Variants in OSBPL10 observed in about 807,000 individuals in gnomAD.
OSBPL10 encodes the protein oxysterol binding protein like 10.
In OSBPL10, 49 loss-of-function variants were observed where a neutral mutation model predicts 81.7. That is an observed-to-expected ratio of 0.60 (90% CI 0.48 to 0.76). OSBPL10 has a LOEUF of 0.76. Among genes scored for constraint, OSBPL10 ranks in the 30% least tolerant of loss-of-function variants. OSBPL10 has a pLI of 0.00. For synonymous variants in OSBPL10, 419 were observed against 383.6 expected, an observed-to-expected ratio of 1.09 and a Z score of -1.08; for missense variants, 923 against 987.8, an observed-to-expected ratio of 0.93 and a Z score of 0.88.
At position 31,798,427 on chromosome 3, in the gene OSBPL10, T is replaced by C. The variant is rs1419795343; in HGVS notation, c.729+31613A>G. Among the ~76,000 whole-genome samples the C allele has an allele frequency of 1.3e-4, 10 of 77,608 alleles. No homozygotes were observed. The Admixed American group carries it at 1.4e-3, about 11-fold the overall frequency. The allele number at this position is 77,608 out of a possible 152,430, so 50.9% of individuals were successfully genotyped here. A position where few individuals can be genotyped will look rare whatever the true frequency, so the allele number is the denominator to read the frequency against. On this transcript the variant is annotated intron_variant, in intron 4 of 11. Coordinates refer to ENST00000396556, the MANE Select transcript of OSBPL10 (RefSeq NM_017784.5). ...CCTGGGTGACAAGAGCAAAACTCCA[T>C]CTCAAAAAAAAAAGAAAACCAAAAT...
chr3:31,671,805 A>G (rs1011398834), intron 8 of OSBPL10, among the ~76,000 whole-genome samples: 1 of 152,086 alleles, frequency 6.6e-6, no homozygotes. Context: ...CCTCAAGACT[A>G]CCCCCAAAAT....
chr3:31,820,179 G>A (rs577334153), intron 4 of OSBPL10, among the ~76,000 whole-genome samples: 1 of 152,206 alleles, frequency 6.6e-6, no homozygotes, highest in African/African-American at 2.4e-5. Flanking sequence ...GGAAAGTATT[G>A]AGCCCAGGTA....
intron 7 of OSBPL10, among the ~76,000 whole-genome samples, chr3:31,684,492 C>A (rs944896636): frequency 6.6e-6 from 1 of 152,184 alleles, no homozygotes; most frequent in African/African-American, 2.4e-5. Context: ...CAGGCAAGAC[C>A]AAGTGGGCTG....
intron 10 of OSBPL10, among the ~76,000 whole-genome samples, chr3:31,668,434 A>G (rs1323694120): frequency 1.3e-5 from 2 of 152,212 alleles, no homozygotes; most frequent in Admixed American, 1.3e-4. Context: ...ACCCCACCCC[A>G]TGACTACAGA....
At chr3:31,874,636 T>C (rs1321349043) in intron 3 of OSBPL10, among the ~76,000 whole-genome samples, 1 of 152,158 alleles carries the variant, frequency 6.6e-6, no homozygotes, top group Non-Finnish European at 1.5e-5. Context: ...GTCATGATTT[T>C]AGACATGAAA....
chr3:31,942,118 C>CA (rs796714282), intron 1 of OSBPL10, among the ~76,000 whole-genome samples: 14 of 151,984 alleles, frequency 9.2e-5, no homozygotes, highest in African/African-American at 2.9e-4. Flanking sequence ...ACTAAAAATA[C>CA]AAAAAAATTA....
At chr3:31,953,365 A>C (rs76865519) in intron 1 of OSBPL10, among the ~76,000 whole-genome samples, 2,897 of 151,940 alleles carry the variant, frequency 0.019, 50 homozygotes, top group East Asian at 0.053. Flanking sequence ...TAATACCCCC[A>C]CACACACAAA....
intron 2 of OSBPL10, among the ~76,000 whole-genome samples, chr3:32,012,514 C>A (rs1699269989): frequency 6.6e-6 from 1 of 152,172 alleles, no homozygotes; most frequent in Non-Finnish European, 1.5e-5. Context: ...TCCATCGATG[C>A]TAGGAAGAAA....
intron 3 of OSBPL10, among the ~76,000 whole-genome samples, chr3:31,840,141 C>T (rs182074932): frequency 2.0e-5 from 3 of 151,838 alleles, no homozygotes; most frequent in Non-Finnish European, 2.9e-5. Context: ...GAACAAAAGG[C>T]GAGTGCGTGC....
chr3:31,762,417 G>A (rs1698071954), intron 4 of OSBPL10, among the ~76,000 whole-genome samples: 1 of 152,124 alleles, frequency 6.6e-6, no homozygotes, highest in Non-Finnish European at 1.5e-5. Flanking sequence ...TGCTTTCACA[G>A]TCACAGTCTC....
chr3:32,044,425 GCAAA>G (rs1699605534), intron 2 of OSBPL10, among the ~76,000 whole-genome samples: 1 of 148,742 alleles, frequency 6.7e-6, no homozygotes. Context: ...AATTTTAATG[GCAAA>G]CAGTTGTATC....
At chr3:31,707,967 T>C (rs959341329) in intron 6 of OSBPL10, among the ~76,000 whole-genome samples, 1 of 151,998 alleles carries the variant, frequency 6.6e-6, no homozygotes, top group East Asian at 1.9e-4. Flanking sequence ...AGTAGGCAAG[T>C]AGAAGACAAA....
intron 4 of OSBPL10, among the ~76,000 whole-genome samples, chr3:31,810,033 G>A (rs141706989): frequency 8.8e-4 from 134 of 151,904 alleles, no homozygotes; most frequent in African/African-American, 2.6e-3. Flanking sequence ...CACCACGCCC[G>A]GCTAATTTCG....
intron 4 of OSBPL10, among the ~76,000 whole-genome samples, chr3:31,801,750 C>T (rs1699385893): frequency 6.6e-6 from 1 of 152,198 alleles, no homozygotes. Context: ...ATATCAACTT[C>T]TTATGCCATG....
chr3:32,002,238 T>C (rs541587386), intron 2 of OSBPL10, among the ~76,000 whole-genome samples: 1 of 152,280 alleles, frequency 6.6e-6, no homozygotes, highest in Admixed American at 6.5e-5. Context: ...TGAATTGCTG[T>C]CCACTCAACC....
rs190878432 is a variant in OSBPL10 at position 31,971,751 on chromosome 3, C to A, written c.281+9148G>T. 4.1e-5 allele frequency among the ~76,000 whole-genome samples: 4 copies of A among 98,074 alleles called. No homozygotes were observed. In the Admixed American group the frequency reaches 5.0e-4, roughly 12 times the overall value. The allele number at this position is 98,074 out of a possible 152,430, so 64.3% of individuals were successfully genotyped here. On this transcript the variant is annotated intron_variant, in intron 1 of 11. Coordinates refer to ENST00000396556, the MANE Select transcript of OSBPL10 (RefSeq NM_017784.5). ...CATCTCACAGGCTATATCAGCCCACCGCCAGCTTTTATAAATAAAGTTTTA... is the reference window on the plus strand; with the variant it reads ...CATCTCACAGGCTATATCAGCCCACAGCCAGCTTTTATAAATAAAGTTTTA...
chr3:31,977,811 TATCTATA>T (rs1664017751), intron 1 of OSBPL10, among the ~76,000 whole-genome samples: 2 of 152,330 alleles, frequency 1.3e-5, no homozygotes, highest in African/African-American at 4.8e-5. Context: ...TTTCTTTAAA[TATCTATA>T]ATAATGAATG....
At chr3:31,984,028 TTTTG>T (rs1216169427), upstream of OSBPL10, among the ~76,000 whole-genome samples, 2 of 148,960 alleles carry the variant, frequency 1.3e-5, no homozygotes, top group Non-Finnish European at 3.0e-5. Context: ...AAGGGGTTTT[TTTTG>T]TTTTTGTTTT....
At chr3:32,069,090 G>A (rs1176872955) in intron 1 of OSBPL10, among the ~76,000 whole-genome samples, 1 of 152,076 alleles carries the variant, frequency 6.6e-6, no homozygotes, top group Non-Finnish European at 1.5e-5. Flanking sequence ...GCATAGTCAG[G>A]GTACATGTGC....
Sources: allele counts gnomAD v4.1 joint callset (sites outside exome capture counted in the v4.1 genomes callset), GRCh38; gene constraint gnomAD v4.1.1; transcripts MANE v1.5; gene names NCBI Gene and HGNC (gene_info 2026-07-23, HGNC 2026-07-21).